The following THRAP3 variants were observed in gnomAD, a reference collection of about 807,000 sequenced individuals.
THRAP3 encodes the protein thyroid hormone receptor associated protein 3.
In THRAP3, 16 loss-of-function variants were observed where a neutral mutation model predicts 101.0. The ratio of observed to expected loss-of-function variants is 0.16; its 90% CI spans 0.11 to 0.24. THRAP3 has a LOEUF of 0.24. Among genes scored for constraint, THRAP3 ranks in the 10% least tolerant of loss-of-function variants. The pLI is 1.00. For missense variants in THRAP3, 989 were observed against 1,202.7 expected (o/e 0.82, Z 2.63); for synonymous variants, 407 against 422.6 (o/e 0.96, Z 0.45).
Position 36,301,099 on chromosome 1 carries a change from T to G in THRAP3, c.2502+15T>G. 1.2e-6 allele frequency: 2 copies of G among 1,610,942 alleles called. No homozygotes were observed. Among genetic ancestry groups the G allele is most frequent in the Non-Finnish European group, 1.7e-6 (2 of 1,178,120 alleles). Reference sequence around the variant, plus strand: ...GAGGAACCTTTGTAAGACCTTCCCCTCTCCCCCTTTCTCTGAGACCCTTGC... The same window carrying G: ...GAGGAACCTTTGTAAGACCTTCCCCGCTCCCCCTTTCTCTGAGACCCTTGC... On this transcript the variant is annotated intron_variant, in intron 10 of 11. Transcript: ENST00000354618.
intron 2 of THRAP3, among the ~76,000 whole-genome samples, chr1:36,270,207 G>T (rs543844733): frequency 2.4e-4 from 37 of 152,260 alleles, no homozygotes; most frequent in African/African-American, 8.7e-4. Flanking sequence ...TGGGCAACAT[G>T]GCGAGACCTT....
In THRAP3 at chr1:36,271,889, C is replaced by T. The variant is rs778969615; in HGVS notation, c.-31-10644C>T. On this transcript the variant is annotated intron_variant, in intron 2 of 11. Transcript: ENST00000354618. ...GATTACAGGCGTGAGCCACCGCACC[C>T]GGCCTAATTTTTGTATTTTTAATAG... is the stretch of plus-strand genomic sequence containing the variant. 3.9e-5 allele frequency among the ~76,000 whole-genome samples: 6 copies of T among 152,046 alleles called. 1 individual carries two copies. The highest frequency in any genetic ancestry group is 2.1e-4 in the South Asian group (1 of 4,814).
At chr1:36,277,971 T>C (rs1209847141) in intron 2 of THRAP3, among the ~76,000 whole-genome samples, 3 of 151,240 alleles carry the variant, frequency 2.0e-5, no homozygotes, top group Non-Finnish European at 2.9e-5. Context: ...CCATGTTTGC[T>C]GGGCTGGTCT....
At chr1:36,274,259 T>G (rs1444482828) in intron 2 of THRAP3, among the ~76,000 whole-genome samples, 2 of 152,212 alleles carry the variant, frequency 1.3e-5, no homozygotes, top group Non-Finnish European at 2.9e-5. Flanking sequence ...GTGTAAAACT[T>G]ATATTCAGAA....
upstream of THRAP3, among the ~76,000 whole-genome samples, chr1:36,220,972 A>AAAAAAAATATAT (rs1285765741): frequency 2.1e-5 from 2 of 94,146 alleles, no homozygotes; most frequent in African/African-American, 9.5e-5. Flanking sequence ...AAAAAAAAAA[A>AAAAAAAATATAT]ATATATATAT....
At chr1:36,210,298 G>A in the THRAP3 span, among the ~76,000 whole-genome samples, 11 of 150,870 alleles carry the variant, frequency 7.3e-5, no homozygotes, top group African/African-American at 9.8e-5. Context: ...CCCGGGAGGC[G>A]GAGCTTGCAG....
At chr1:36,230,181 C>T (rs1039107533) in intron 1 of THRAP3, among the ~76,000 whole-genome samples, 3 of 151,420 alleles carry the variant, frequency 2.0e-5, no homozygotes, top group Admixed American at 6.6e-5. Context: ...TGCAATGGCT[C>T]GATCTCAGCT....
At position 36,288,164 on chromosome 1, in the gene THRAP3, T is replaced by G. The variant is rs1279523313; in HGVS notation, c.1040+894T>G. On this transcript the variant is annotated intron_variant, in intron 4 of 11. Transcript: ENST00000354618. The stretch of plus-strand genomic sequence containing the variant: ...CTGTTTTATTTTATTTATTTATTTA[T>G]TTATTTCAATAGGTTTTTGGGCGAA... 4 of 964,730 alleles carry G rather than the reference T, an allele frequency of 4.1e-6. No homozygotes were observed. In the African/African-American group the frequency reaches 7.1e-5, roughly 17 times the overall value. 59.8% of individuals were successfully genotyped at this position (964,730 alleles called of 1,614,324 possible). A position where few individuals can be genotyped will look rare whatever the true frequency, so the allele number is the denominator to read the frequency against.
the THRAP3 span, among the ~76,000 whole-genome samples, chr1:36,216,505 A>G: frequency 6.6e-6 from 1 of 150,962 alleles, no homozygotes; most frequent in Non-Finnish European, 1.5e-5. Flanking sequence ...CAAAAAAAAA[A>G]AAAAAAAAAA....
At chr1:36,269,717 C>T (rs1285125224) in intron 2 of THRAP3, among the ~76,000 whole-genome samples, 1 of 151,952 alleles carries the variant, frequency 6.6e-6, no homozygotes. Flanking sequence ...ACTGCAGGAG[C>T]TCACCATCAT....
chr1:36,217,659 C>T, the THRAP3 span, among the ~76,000 whole-genome samples: 1 of 152,042 alleles, frequency 6.6e-6, no homozygotes, highest in Non-Finnish European at 1.5e-5. Context: ...TGCAATATTT[C>T]AAACTTTTTC....
chr1:36,281,000 G>A (rs1346235736), intron 2 of THRAP3, among the ~76,000 whole-genome samples: 4 of 149,764 alleles, frequency 2.7e-5, no homozygotes, highest in African/African-American at 7.4e-5. Context: ...ATCTTGGCTC[G>A]CTGTAACCTC....
At chr1:36,292,260 G>GTTTTTTTTTTTT (rs1553124853) in intron 6 of THRAP3, among the ~76,000 whole-genome samples, 1 of 13,110 alleles carries the variant, frequency 7.6e-5, no homozygotes, top group Non-Finnish European at 1.9e-4. Context: ...GTGTTTCTTT[G>GTTTTTTTTTTTT]TTTCTTTTTT....
intron 1 of THRAP3, among the ~76,000 whole-genome samples, chr1:36,238,473 T>A (rs1462319533): frequency 3.9e-5 from 6 of 152,174 alleles, no homozygotes; most frequent in Admixed American, 1.3e-4. Context: ...GGTAGACTAA[T>A]TTATTGCTTA....
At chr1:36,222,247 C>T (rs1644905841), upstream of THRAP3, among the ~76,000 whole-genome samples, 1 of 152,084 alleles carries the variant, frequency 6.6e-6, no homozygotes, top group African/African-American at 2.4e-5. Flanking sequence ...TATTTTAGGT[C>T]ATAACACTAG....
At chr1:36,296,489 A>T in intron 8 of THRAP3, 94 bp from the exon 9 acceptor site, 2 of 987,448 alleles carry the variant, frequency 2.0e-6, no homozygotes, top group Admixed American at 5.4e-5. Flanking sequence ...CTTCCTCTGC[A>T]CCCCTCCATT....
chr1:36,269,773 C>T (rs1368825455), intron 2 of THRAP3, among the ~76,000 whole-genome samples: 1 of 151,918 alleles, frequency 6.6e-6, no homozygotes, highest in Non-Finnish European at 1.5e-5. Flanking sequence ...GAGACAGGGT[C>T]TCACTATGTT....
chr1:36,262,813 A>C (rs1645463213), intron 2 of THRAP3, among the ~76,000 whole-genome samples: 1 of 150,276 alleles, frequency 6.7e-6, no homozygotes, highest in Non-Finnish European at 1.5e-5. Context: ...ATTTTTTTTG[A>C]GATGAAGTCT....
intron 2 of THRAP3, among the ~76,000 whole-genome samples, chr1:36,263,699 A>G (rs1176059015): frequency 6.6e-6 from 1 of 152,156 alleles, no homozygotes; most frequent in Non-Finnish European, 1.5e-5. Context: ...CAGCTGTGCT[A>G]TTCATTTTGT....
Sources: allele counts gnomAD v4.1 joint callset (sites outside exome capture counted in the v4.1 genomes callset), GRCh38; gene constraint gnomAD v4.1.1; transcripts MANE v1.5; gene names NCBI Gene and HGNC (gene_info 2026-07-23, HGNC 2026-07-21).